Variants in JAK1 observed in about 807,000 individuals in gnomAD.
JAK1 encodes the protein Janus kinase 1, also known as tyrosine-protein kinase JAK1.
JAK1 carries 16 observed loss-of-function variants against 136.6 expected under a neutral mutation model. The ratio of observed to expected loss-of-function variants is 0.12; its 90% confidence interval spans 0.08 to 0.18. The LOEUF (loss-of-function observed/expected upper bound fraction) is 0.18, where lower values mean the gene tolerates loss of function less well. Ranked by LOEUF, JAK1 falls within the 10% of genes least tolerant of loss-of-function variation. JAK1 has a pLI of 1.00. For missense variants in JAK1, 859 were observed against 1,450.1 expected (o/e 0.59, Z 6.62); for synonymous variants, 492 against 519.5 (o/e 0.95, Z 0.72).
At chr1:64,845,774 G>A (rs951192555) in intron 14 of JAK1, 134 bp from the exon 15 acceptor site, 21 of 1,062,240 alleles carry the variant, frequency 2.0e-5, no homozygotes, top group Middle Eastern at 3.0e-4. Context: ...GGGTGCAATG[G>A]TGCAGGGGCT....
intron 12 of JAK1, 53 bp downstream of exon 12, chr1:64,850,751 C>T: frequency 8.3e-7 from 1 of 1,198,776 alleles, no homozygotes; most frequent in Middle Eastern, 2.0e-4. Context: ...CAAGCTGCTC[C>T]ATCGTGGGGA....
In JAK1 at chr1:64,841,349, GAGAAA is replaced by G; in HGVS notation, c.2555-15_2555-11del. The stretch of plus-strand genomic sequence containing the variant: ...GAAACAATATCTGGATCTAACAGAA[GAGAAA>G]AGAAAACAGAGTGAAAGGCAGTCGA... On this transcript the variant is annotated splice_polypyrimidine_tract_variant and intron_variant, in intron 18 of 24. Coordinates refer to ENST00000342505, the MANE Select transcript of JAK1 (RefSeq NM_002227.4). The G allele has an allele frequency of 6.2e-7, 1 of 1,613,202 alleles. No homozygotes were observed. The highest frequency in any genetic ancestry group is 8.5e-7 in the Non-Finnish European group (1 of 1,179,156).
intron 1 of JAK1, among the ~76,000 whole-genome samples, chr1:64,923,187 T>C (rs1645525137): frequency 6.6e-6 from 1 of 152,130 alleles, no homozygotes; most frequent in Admixed American, 6.6e-5. Flanking sequence ...CAGCCTACAA[T>C]GACTGACACG....
intron 2 of JAK1, chr1:64,985,817 T>C: frequency 1.6e-6 from 1 of 627,098 alleles, no homozygotes; most frequent in African/African-American, 1.8e-5. Flanking sequence ...CAGTAAGCAT[T>C]GAATTACGCC....
chr1:64,877,664 C>T (rs574175860), intron 4 of JAK1, among the ~76,000 whole-genome samples: 97 of 152,178 alleles, frequency 6.4e-4, no homozygotes, highest in Admixed American at 2.6e-3. Context: ...TGGTCTTTTC[C>T]AATCCTAAAA....
Position 64,862,467 on chromosome 1 carries a change from G to A in JAK1, c.1177-2205C>T, listed in dbSNP as rs533353044. 3.3e-5 allele frequency among the ~76,000 whole-genome samples: 5 copies of A among 152,312 alleles called. No individual in the cohort carries two copies. In the South Asian group the frequency reaches 6.2e-4, roughly 19 times the overall value. ...TACCTGACACACAGTAAGGGCTAGC[G>A]TGGTAAAGAAAAACAAACTAATGGA... is the stretch of plus-strand genomic sequence containing the variant. On this transcript the variant is annotated intron_variant, in intron 8 of 24. Coordinates refer to ENST00000342505, the MANE Select transcript of JAK1 (RefSeq NM_002227.4).
At chr1:64,858,934 G>A (rs556096020) in intron 9 of JAK1, among the ~76,000 whole-genome samples, 67 of 152,230 alleles carry the variant, frequency 4.4e-4, no homozygotes, top group Middle Eastern at 3.2e-3. Flanking sequence ...AGGCTGTGCA[G>A]ATTCTGGAGG....
At chr1:64,913,659 G>GGAAGGAAGGAAGGAAA (rs1557686454) in intron 1 of JAK1, among the ~76,000 whole-genome samples, 7 of 15,874 alleles carry the variant, frequency 4.4e-4, no homozygotes, top group East Asian at 7.1e-3. Flanking sequence ...AAGGAAAGAA[G>GGAAGGAAGGAAGGAAA]GAAGGAAGGA....
rs188211265 is a variant in JAK1 at position 64,838,549 on chromosome 1, C to T, written c.2883G>A (p.Ser961=). 110 of 1,613,844 alleles carry T rather than the reference C, an allele frequency of 6.8e-5. No individual in the cohort carries two copies. The highest frequency in any genetic ancestry group is 5.6e-4 in the African/African-American group (42 of 75,014). The part of the protein sequence containing the change: ...GIKLIMEFLP[S]GSLKEYLPKN... ...TTGGAAGATATTCCTTAAGGCTTCC[C>T]GAAGGCAGAAATTCCATGATGAGCT... is the stretch of plus-strand genomic sequence containing the variant. Residue 961 remains serine (S), a synonymous_variant, in exon 21 of 25, where the codon TCG becomes TCA. Transcript: ENST00000342505.
intron 1 of JAK1, among the ~76,000 whole-genome samples, chr1:64,896,369 C>CA (rs1255558873): frequency 1.3e-5 from 2 of 152,168 alleles, no homozygotes; most frequent in African/African-American, 4.8e-5. Context: ...GGTTTCTTTG[C>CA]AGGGGATGGG....
At chr1:64,983,437 C>T (rs1646568921) in intron 2 of JAK1, among the ~76,000 whole-genome samples, 1 of 152,150 alleles carries the variant, frequency 6.6e-6, no homozygotes. Context: ...GCTGAGGCTA[C>T]AAATTCCAAG....
chr1:64,956,023 G>A (rs1646180582), intron 1 of JAK1, among the ~76,000 whole-genome samples: 1 of 152,230 alleles, frequency 6.6e-6, no homozygotes, highest in African/African-American at 2.4e-5. Flanking sequence ...TTTGTTACAA[G>A]TGAAAATAGA....
chr1:65,015,230 T>C (rs1646883441), intron 2 of JAK1, among the ~76,000 whole-genome samples: 1 of 152,066 alleles, frequency 6.6e-6, no homozygotes, highest in South Asian at 2.1e-4. Context: ...CAATGCAAAA[T>C]TGTGCATAAC....
At position 65,064,299 on chromosome 1, in the gene JAK1, C is replaced by T. The variant is rs1306636146; in HGVS notation, c.-181+3305G>A. Among the ~76,000 whole-genome samples, 6 of 152,132 alleles carry T rather than the reference C, an allele frequency of 3.9e-5. No individual in the cohort carries two copies. In the East Asian group the frequency reaches 7.7e-4, roughly 19 times the overall value. ...CCATATTTCAGGTGGTTAATAGCCACGTGGCTAGTGGCTACCATATTAGGG... is the reference window on the plus strand; with the variant it reads ...CCATATTTCAGGTGGTTAATAGCCATGTGGCTAGTGGCTACCATATTAGGG... On this transcript the variant is annotated intron_variant, in intron 1 of 25. Transcript: ENST00000671954.
intron 2 of JAK1, among the ~76,000 whole-genome samples, chr1:65,020,383 G>A (rs974376823): frequency 6.6e-6 from 1 of 152,122 alleles, no homozygotes; most frequent in Non-Finnish European, 1.5e-5. Context: ...GTGAACCACT[G>A]TCCTAGAGAA....
chr1:64,899,249 T>C (rs1645069598), intron 1 of JAK1, among the ~76,000 whole-genome samples: 1 of 152,148 alleles, frequency 6.6e-6, no homozygotes, highest in South Asian at 2.1e-4. Flanking sequence ...AAACAACTAA[T>C]GGAAAAAGGA....
intron 2 of JAK1, among the ~76,000 whole-genome samples, chr1:65,034,440 C>T (rs575415562): frequency 2.5e-4 from 38 of 152,236 alleles, no homozygotes; most frequent in African/African-American, 8.4e-4. Flanking sequence ...GAACAAGTGA[C>T]AAGGAAATGA....
chr1:64,916,166 C>T (rs1645392659), intron 1 of JAK1, among the ~76,000 whole-genome samples: 1 of 152,114 alleles, frequency 6.6e-6, no homozygotes, highest in Admixed American at 6.5e-5. Flanking sequence ...GCCTCTAATG[C>T]AGACATGGAG....
At chr1:65,062,217 TA>T (rs1647823140) in intron 1 of JAK1, among the ~76,000 whole-genome samples, 1 of 152,150 alleles carries the variant, frequency 6.6e-6, no homozygotes, top group Non-Finnish European at 1.5e-5. Context: ...TCAGCACAAA[TA>T]TTTTTAGTCC....
Sources: gnomAD v4.1 joint callset for allele counts (sites outside exome capture counted in the v4.1 genomes callset) on GRCh38, gnomAD v4.1.1 for gene constraint, MANE v1.5 for transcripts, NCBI Gene and HGNC (gene_info 2026-07-23, HGNC 2026-07-21) for gene names.